Variants in BACH2 observed in about 807,000 individuals in gnomAD.
BACH2 encodes transcription regulator protein BACH2.
In BACH2, 5 loss-of-function variants were observed where a neutral mutation model predicts 61.8. That is an observed-to-expected ratio of 0.08 (90% CI 0.04 to 0.17). The LOEUF (loss-of-function observed/expected upper bound fraction) is 0.17, where lower values mean the gene tolerates loss of function less well. Ranked by LOEUF, BACH2 falls within the 10% of genes least tolerant of loss-of-function variation. The pLI is 1.00. For missense variants in BACH2, 824 were observed against 1,091.1 expected, an observed-to-expected ratio of 0.76 and a Z score of 3.45; for synonymous variants, 446 against 440.1, an observed-to-expected ratio of 1.01 and a Z score of -0.17.
rs376130633 is a variant in BACH2, at chr6:90,130,378, TGCTGACACAGGA to T, written c.-161-41281_-161-41270del. ...CACTGGTCCTACCTGATTAGGGTGATGCTGACACAGGAGCTAACACCGAAGGAGCATTTTCTC... is the reference window on the plus strand; with the variant it reads ...CACTGGTCCTACCTGATTAGGGTGATGCTAACACCGAAGGAGCATTTTCTC... On this transcript the variant is annotated intron_variant, in intron 4 of 8. Transcript: ENST00000257749. Among the ~76,000 whole-genome samples, 242 of 152,332 alleles carry T rather than the reference TGCTGACACAGGA, an allele frequency of 1.6e-3. 3 individuals carry two copies. In the Middle Eastern group the frequency reaches 0.031, roughly 19 times the overall value.
At chr6:90,228,169 GATTAC>G (rs1275817097) in intron 3 of BACH2, among the ~76,000 whole-genome samples, 1 of 152,190 alleles carries the variant, frequency 6.6e-6, no homozygotes, top group East Asian at 1.9e-4. Flanking sequence ...TTTTCCAGTT[GATTAC>G]ATTAATCTGA....
intron 5 of BACH2, among the ~76,000 whole-genome samples, chr6:90,069,290 C>T (rs1027968507): frequency 6.6e-6 from 1 of 152,174 alleles, no homozygotes; most frequent in Non-Finnish European, 1.5e-5. Context: ...GGCAGTGTTC[C>T]AATTTCTGAC....
At chr6:90,262,483 CAA>C (rs1168969071) in intron 2 of BACH2, among the ~76,000 whole-genome samples, 1 of 152,164 alleles carries the variant, frequency 6.6e-6, no homozygotes, top group African/African-American at 2.4e-5. Flanking sequence ...TCCAGGACAG[CAA>C]TCCTGCCCTG....
chr6:90,097,957 G>A (rs137887933), intron 4 of BACH2, among the ~76,000 whole-genome samples: 180 of 152,250 alleles, frequency 1.2e-3, no homozygotes, highest in Non-Finnish European at 1.6e-3. Context: ...GTAATGAAAC[G>A]GGAACTGTGA....
chr6:90,221,284 T>A (rs1277899287), intron 3 of BACH2, among the ~76,000 whole-genome samples: 1 of 152,216 alleles, frequency 6.6e-6, no homozygotes, highest in Non-Finnish European at 1.5e-5. Flanking sequence ...AATTTTTTAA[T>A]CATAAGCCAC....
chr6:90,071,822 C>A (rs1045297951), intron 5 of BACH2, among the ~76,000 whole-genome samples: 1 of 152,154 alleles, frequency 6.6e-6, no homozygotes, highest in Non-Finnish European at 1.5e-5. Flanking sequence ...GTATTATATA[C>A]CTGCAATAAA....
intron 5 of BACH2, among the ~76,000 whole-genome samples, 180 bp downstream of exon 5, chr6:90,088,781 G>A (rs894199631): frequency 1.3e-5 from 2 of 151,978 alleles, no homozygotes; most frequent in Non-Finnish European, 2.9e-5. Context: ...TGAAATTTAA[G>A]AGCCACTGAG....
intron 4 of BACH2, among the ~76,000 whole-genome samples, chr6:90,092,651 C>T (rs1758237793): frequency 6.6e-6 from 1 of 151,830 alleles, no homozygotes; most frequent in Admixed American, 6.6e-5. Context: ...AACTAAACAA[C>T]TTTGTGAGGC....
Position 90,008,934 on chromosome 6 carries a change from G to A in BACH2, c.-12-78C>T, listed in dbSNP as rs1384006889. On this transcript the variant is annotated intron_variant, in intron 5 of 8. Coordinates refer to ENST00000257749, the MANE Select transcript of BACH2 (RefSeq NM_021813.4). The surrounding 1 kb of genome is among the most constrained non-coding windows in gnomAD (Gnocchi z 4.1). ...AGCTGTAGGATCAGAGAGAGGAGGT[G>A]AGAAAGAACATCATGGTTCCTGTGT... The A allele has an allele frequency of 3.3e-6, 5 of 1,516,064 alleles. No homozygotes were observed. Among genetic ancestry groups the A allele is most frequent in the Non-Finnish European group, 4.4e-6 (5 of 1,126,554 alleles). The allele number at this position is 1,516,064 out of a possible 1,614,324, so 93.9% of individuals were successfully genotyped here.
chr6:89,965,576 C>T (rs988145127), intron 6 of BACH2, among the ~76,000 whole-genome samples: 3 of 152,242 alleles, frequency 2.0e-5, no homozygotes, highest in Non-Finnish European at 2.9e-5. Context: ...GTCTCAATAA[C>T]TATTAGTTGA....
intron 6 of BACH2, among the ~76,000 whole-genome samples, chr6:89,988,392 G>GC (rs1776356941): frequency 6.6e-6 from 1 of 152,126 alleles, no homozygotes; most frequent in African/African-American, 2.4e-5. Context: ...ACAGCAGCCT[G>GC]CCCCATCTTG....
intron 4 of BACH2, among the ~76,000 whole-genome samples, chr6:90,162,446 C>A (rs928938262): frequency 6.6e-6 from 1 of 151,944 alleles, no homozygotes; most frequent in African/African-American, 2.4e-5. Flanking sequence ...CAAGACCAGT[C>A]TGGGCAACAT....
At chr6:90,178,213 T>C (rs79650269) in intron 4 of BACH2, among the ~76,000 whole-genome samples, 1,785 of 152,312 alleles carry the variant, frequency 0.012, 46 homozygotes, top group African/African-American at 0.04. Context: ...TCGGAGAGAA[T>C]GAAATGTCAG....
chr6:89,947,402 C>A (rs1431161567), intron 7 of BACH2, among the ~76,000 whole-genome samples: 1 of 152,196 alleles, frequency 6.6e-6, no homozygotes, highest in Non-Finnish European at 1.5e-5. Context: ...CTAACCTCCT[C>A]TACTCTAGGA....
chr6:90,176,418 G>A (rs2127839363), intron 4 of BACH2, among the ~76,000 whole-genome samples: 1 of 152,258 alleles, frequency 6.6e-6, no homozygotes, highest in Middle Eastern at 3.4e-3. Flanking sequence ...CTGGGAAGGG[G>A]CAGCTCTGAG....
intron 6 of BACH2, among the ~76,000 whole-genome samples, chr6:89,957,386 G>C (rs889495629): frequency 6.6e-6 from 1 of 152,156 alleles, no homozygotes; most frequent in African/African-American, 2.4e-5. Flanking sequence ...GGTTATTTTA[G>C]TATTAATTTT....
chr6:90,248,809 C>T (rs185624379), intron 3 of BACH2, among the ~76,000 whole-genome samples: 2 of 152,296 alleles, frequency 1.3e-5, no homozygotes, highest in African/African-American at 4.8e-5. Flanking sequence ...CTTAGTGCAA[C>T]AGGAAGCCAT....
At chr6:90,102,041 G>A (rs1239703774) in intron 4 of BACH2, among the ~76,000 whole-genome samples, 2 of 152,084 alleles carry the variant, frequency 1.3e-5, no homozygotes, top group African/African-American at 4.8e-5. Context: ...GTTTTTTCGT[G>A]TGTGGTTTAT....
intron 6 of BACH2, among the ~76,000 whole-genome samples, chr6:89,990,658 T>C (rs1354779592): frequency 4.0e-5 from 6 of 151,084 alleles, no homozygotes; most frequent in Admixed American, 3.3e-4. Context: ...CAACCTCTGG[T>C]CCATGTTCGT....
Sources: gnomAD v4.1 joint callset for allele counts (sites outside exome capture counted in the v4.1 genomes callset) on GRCh38, gnomAD v4.1.1 for gene constraint, Gnocchi (gnomAD v3.1) non-coding constraint, MANE v1.5 for transcripts, NCBI Gene and HGNC (gene_info 2026-07-23, HGNC 2026-07-21) for gene names.